Variants in NLGN4Y observed in about 807,000 individuals in gnomAD.
The protein encoded by NLGN4Y is neuroligin 4 Y-linked.
Under a neutral mutation model 8.4 loss-of-function variants are expected in NLGN4Y, and 4 were observed. The ratio of observed to expected loss-of-function variants is 0.48; its 90% CI spans 0.23 to 1.09. The LOEUF (loss-of-function observed/expected upper bound fraction) is 1.09. Ranked by LOEUF, NLGN4Y falls within the 50% of genes least tolerant of loss-of-function variation. The pLI is 0.19. For missense variants in NLGN4Y, 90 were observed against 192.3 expected (o/e 0.47, Z 3.15); for synonymous variants, 35 against 75.6 (o/e 0.46, Z 2.78).
At chrY:14,727,573 T>A (rs764166290) in intron 4 of NLGN4Y, among the ~76,000 whole-genome samples, 1 of 33,536 alleles carries the variant, frequency 3.0e-5, no homozygotes, top group East Asian at 7.8e-4. Flanking sequence ...TAGCAATATA[T>A]CCCACTTGCT....
At chrY:14,833,835 C>G in intron 6 of NLGN4Y, among the ~76,000 whole-genome samples, 5 of 32,843 alleles carry the variant, frequency 1.5e-4, no homozygotes, top group Non-Finnish European at 3.0e-4. Flanking sequence ...ATGCTGGGAG[C>G]TGTAGACTGG....
intron 1 of NLGN4Y, among the ~76,000 whole-genome samples, chrY:14,582,918 C>T: frequency 2.9e-5 from 1 of 34,006 alleles, no homozygotes; most frequent in Non-Finnish European, 7.3e-5. Context: ...GTGGGCAGAA[C>T]TTAGTCTTAA....
intron 1 of NLGN4Y, among the ~76,000 whole-genome samples, chrY:14,556,137 G>T: frequency 9.2e-5 from 3 of 32,686 alleles, no homozygotes; most frequent in Non-Finnish European, 2.2e-4. Flanking sequence ...AGGCACCAGA[G>T]TGAGACTCGA....
chrY:14,834,314 G>T (rs2043189952), intron 6 of NLGN4Y, among the ~76,000 whole-genome samples: 1 of 33,480 alleles, frequency 3.0e-5, no homozygotes, highest in Non-Finnish European at 7.4e-5. Flanking sequence ...TGACATCACC[G>T]GAAGAGAGGA....
intron 4 of NLGN4Y, among the ~76,000 whole-genome samples, chrY:14,790,432 A>C (rs1181296756): frequency 2.4e-4 from 8 of 33,435 alleles, no homozygotes; most frequent in Non-Finnish European, 3.7e-4. Flanking sequence ...GTGCATCTGC[A>C]CCTGTGTCTT....
At chrY:14,645,163 A>ATTT (rs1238077609) in intron 2 of NLGN4Y, among the ~76,000 whole-genome samples, 1 of 13,345 alleles carries the variant, frequency 7.5e-5, no homozygotes, top group Non-Finnish European at 1.4e-4. Context: ...TTGGACCTGA[A>ATTT]TTTTTTTTTT....
chrY:14,784,059 C>G, intron 4 of NLGN4Y, among the ~76,000 whole-genome samples: 1 of 34,088 alleles, frequency 2.9e-5, no homozygotes, highest in Non-Finnish European at 7.3e-5. Flanking sequence ...TAATTCTAAA[C>G]AAAATACCTT....
intron 2 of NLGN4Y, among the ~76,000 whole-genome samples, chrY:14,653,251 C>CGTGT: frequency 1.7e-4 from 5 of 30,079 alleles, no homozygotes; most frequent in African/African-American, 5.6e-4. Flanking sequence ...TACATGTTTA[C>CGTGT]GTGTGTGTGT....
chrY:14,578,476 A>C (rs756710827), intron 1 of NLGN4Y, among the ~76,000 whole-genome samples: 1 of 33,671 alleles, frequency 3.0e-5, no homozygotes, highest in East Asian at 7.8e-4. Context: ...AAAGAGGTTT[A>C]ATTGGCTCAT....
chrY:14,562,262 G>A, intron 1 of NLGN4Y, among the ~76,000 whole-genome samples: 1 of 33,006 alleles, frequency 3.0e-5, no homozygotes, highest in South Asian at 6.8e-4. Flanking sequence ...GTAAGAAAGG[G>A]GTCCAGTTTC....
Position 14,842,421 on chromosome Y carries a change from G to A in NLGN4Y, c.*1159G>A. 1 of 122,009 alleles carries A rather than the reference G, an allele frequency of 8.2e-6. No individual in the cohort carries two copies. Among genetic ancestry groups the A allele is most frequent in the African/African-American group, 9.1e-5 (1 of 11,040 alleles). The allele number at this position is 122,009 out of a possible 400,897, so 30.4% of individuals were successfully genotyped here. ...CAGGACCCTGCCAAAAAAGAAGAAA[G>A]CTTGCCTTTGGTGGGGCTATGCCCC... is the stretch of plus-strand genomic sequence containing the variant. On this transcript the variant is annotated 3_prime_UTR_variant, in exon 7 of 7. Coordinates refer to ENST00000684976, the MANE Select transcript of NLGN4Y (RefSeq NM_001365588.1).
chrY:14,614,061 A>G, intron 1 of NLGN4Y, among the ~76,000 whole-genome samples: 1 of 33,732 alleles, frequency 3.0e-5, no homozygotes, highest in Non-Finnish European at 7.3e-5. Context: ...CCAACAGTGT[A>G]AAATGTTACT....
chrY:14,747,506 C>T, intron 4 of NLGN4Y, among the ~76,000 whole-genome samples: 1 of 32,993 alleles, frequency 3.0e-5, no homozygotes, highest in Non-Finnish European at 7.4e-5. Flanking sequence ...AAATAAACTT[C>T]TTTTCTTTTC....
chrY:14,526,456 G>GTGTGTA (rs2080094495), intron 1 of NLGN4Y, among the ~76,000 whole-genome samples: 1 of 32,720 alleles, frequency 3.1e-5, no homozygotes, highest in African/African-American at 1.2e-4. Context: ...GTGTGTGTGT[G>GTGTGTA]TGTGTATGTA....
intron 4 of NLGN4Y, among the ~76,000 whole-genome samples, chrY:14,818,919 C>G: frequency 3.0e-5 from 1 of 32,827 alleles, no homozygotes; most frequent in South Asian, 7.1e-4. Context: ...TTGTTCGGGG[C>G]CAGGGCTCAC....
At chrY:14,575,709 T>C (rs2080295552) in intron 1 of NLGN4Y, among the ~76,000 whole-genome samples, 1 of 33,468 alleles carries the variant, frequency 3.0e-5, no homozygotes, top group African/African-American at 1.2e-4. Flanking sequence ...TTTTTCCCCA[T>C]CTTTGTGGTT....
At chrY:14,808,594 G>T in intron 4 of NLGN4Y, among the ~76,000 whole-genome samples, 1 of 34,176 alleles carries the variant, frequency 2.9e-5, no homozygotes, top group African/African-American at 1.1e-4. Context: ...AGACAATACA[G>T]ATAATCACAC....
chrY:14,801,316 A>G, intron 4 of NLGN4Y: 1 of 31,764 alleles, frequency 3.1e-5, no homozygotes, highest in Non-Finnish European at 7.6e-5. Context: ...ACTTTCAATC[A>G]AGGCAGAAAG....
chrY:14,590,938 T>C, intron 1 of NLGN4Y, among the ~76,000 whole-genome samples: 1 of 33,458 alleles, frequency 3.0e-5, no homozygotes, highest in African/African-American at 1.2e-4. Flanking sequence ...GATTTTGTTA[T>C]TTCTTGCAAA....
Sources: allele counts gnomAD v4.1 joint callset (sites outside exome capture counted in the v4.1 genomes callset), GRCh38; gene constraint gnomAD v4.1.1; transcripts MANE v1.5; gene names NCBI Gene and HGNC (gene_info 2026-07-23, HGNC 2026-07-21).